CADPS2: variants seen among roughly 807,000 people sequenced by gnomAD.
CADPS2 encodes calcium dependent secretion activator 2.
CADPS2 carries 93 observed loss-of-function variants against 172.5 expected under a neutral mutation model. That is an observed-to-expected ratio of 0.54 (90% confidence interval 0.46 to 0.64). The LOEUF is 0.64. Among genes scored for constraint, CADPS2 ranks in the 30% least tolerant of loss-of-function variants. The pLI, the probability that CADPS2 is intolerant of heterozygous loss-of-function variation, is 0.00. For missense variants in CADPS2, 1,420 were observed against 1,565.9 expected (o/e 0.91, Z 1.57); for synonymous variants, 546 against 555.2 (o/e 0.98, Z 0.23).
Position 122,706,064 on chromosome 7 carries a change from AATATATATATGTTTATATATTCAAGGAAT to A in CADPS2, c.453+30862_453+30890del, listed in dbSNP as rs1564126894. 1.1e-4 allele frequency among the ~76,000 whole-genome samples: 10 copies of A among 95,016 alleles called. 1 individual carries two copies. The South Asian group carries it at 1.8e-3, about 17-fold the overall frequency. 62.3% of individuals were successfully genotyped at this position (95,016 alleles called of 152,430 possible). On this transcript the variant is annotated intron_variant, in intron 2 of 29. Coordinates refer to ENST00000449022, the MANE Select transcript of CADPS2 (RefSeq NM_017954.11). ...TATTCAAGGATTTATATATTCAAGG[AATATATATATGTTTATATATTCAAGGAAT>A]ATATATATATGCTTATATATTCAAG...
intron 7 of CADPS2, among the ~76,000 whole-genome samples, chr7:122,567,136 A>G (rs2066574974): frequency 6.6e-6 from 1 of 152,280 alleles, no homozygotes; most frequent in Admixed American, 6.6e-5. Flanking sequence ...AATAACAGTT[A>G]GTTTTGTTTC....
At chr7:122,707,072 C>T (rs2087688615) in intron 2 of CADPS2, among the ~76,000 whole-genome samples, 1 of 151,618 alleles carries the variant, frequency 6.6e-6, no homozygotes, top group Non-Finnish European at 1.5e-5. Flanking sequence ...AAGACATGAA[C>T]CAGAAGGTAA....
chr7:122,446,377 T>C (rs183387774), intron 15 of CADPS2, among the ~76,000 whole-genome samples: 1 of 152,322 alleles, frequency 6.6e-6, no homozygotes, highest in South Asian at 2.1e-4. Context: ...TTAAATTACC[T>C]GGAAACAGTT....
At chr7:122,750,614 C>G (rs113647822) in intron 1 of CADPS2, among the ~76,000 whole-genome samples, 1 of 152,132 alleles carries the variant, frequency 6.6e-6, no homozygotes, top group Non-Finnish European at 1.5e-5. Flanking sequence ...CACAGCAGAA[C>G]TTGACATCCT....
At chr7:122,452,401 T>C (rs915668739) in intron 14 of CADPS2, among the ~76,000 whole-genome samples, 19 of 152,216 alleles carry the variant, frequency 1.2e-4, no homozygotes, top group Non-Finnish European at 2.5e-4. Context: ...AGTTTATTTG[T>C]TCATTTAGTT....
chr7:122,547,141 A>C (rs740813), intron 8 of CADPS2, among the ~76,000 whole-genome samples: 2 of 151,692 alleles, frequency 1.3e-5, no homozygotes, highest in Admixed American at 1.3e-4. Context: ...AAATTAAAAC[A>C]TATTAACCCT....
At chr7:122,640,707 G>A (rs571967584) in intron 3 of CADPS2, among the ~76,000 whole-genome samples, 11 of 152,058 alleles carry the variant, frequency 7.2e-5, no homozygotes, top group Non-Finnish European at 8.8e-5. Context: ...CGAGGCAGGC[G>A]GATCACAAGG....
chr7:122,491,406 G>A lies in CADPS2; in HGVS notation c.1557C>T (p.Thr519=), dbSNP rs1268048084. 1 of 1,604,512 alleles carries A rather than the reference G, an allele frequency of 6.2e-7. No homozygotes were observed. The highest frequency in any genetic ancestry group is 8.5e-7 in the Non-Finnish European group (1 of 1,174,804). The change falls in exon 10 of 30, where the codon ACC becomes ACT. Residue 519 remains threonine (T), a synonymous_variant. Transcript: ENST00000449022. The stretch of plus-strand genomic sequence containing the variant: ...TTTCTCTATAACTGCACATAGCAAA[G>A]GTATATTGGCTAACCTGCTCGAGAA... ...YFVLVQVSQY[T]FAMCSYREKK...
rs756878434 is a variant in CADPS2 at position 122,460,157 on chromosome 7, C to G, written c.2187-8682G>C. Among the ~76,000 whole-genome samples the G allele has an allele frequency of 2.0e-5, 3 of 151,848 alleles. 1 individual carries two copies. Among genetic ancestry groups the G allele is most frequent in the South Asian group, 4.2e-4 (2 of 4,804 alleles). On this transcript the variant is annotated intron_variant, in intron 14 of 29. Transcript: ENST00000449022. Reference sequence around the variant, plus strand: ...CAGTATGGTGGACTAACTTGATACTCCCCAAATCCTTATTCACTACAAAAC... The same window carrying G: ...CAGTATGGTGGACTAACTTGATACTGCCCAAATCCTTATTCACTACAAAAC...
intron 18 of CADPS2, among the ~76,000 whole-genome samples, chr7:122,414,339 T>C (rs1366007505): frequency 6.6e-6 from 1 of 152,200 alleles, no homozygotes; most frequent in Non-Finnish European, 1.5e-5. Context: ...TAACATTTAA[T>C]TTTTAGTTTT....
chr7:122,485,421 G>A (rs1316322909), intron 11 of CADPS2, among the ~76,000 whole-genome samples: 3 of 152,146 alleles, frequency 2.0e-5, no homozygotes, highest in Non-Finnish European at 4.4e-5. Flanking sequence ...TATGAAGAAA[G>A]TTTGAATGGT....
At chr7:122,819,376 G>C (rs1047642755) in intron 1 of CADPS2, among the ~76,000 whole-genome samples, 2 of 152,100 alleles carry the variant, frequency 1.3e-5, no homozygotes, top group Admixed American at 6.6e-5. Context: ...AGATCTTCTC[G>C]GCTTAGCGGC....
intron 7 of CADPS2, among the ~76,000 whole-genome samples, chr7:122,561,072 A>G (rs918625986): frequency 6.6e-6 from 1 of 152,164 alleles, no homozygotes; most frequent in Admixed American, 6.5e-5. Context: ...TTGATTTAAT[A>G]TCATGGCTTC....
chr7:122,820,307 A>G (rs1396001537), intron 1 of CADPS2, among the ~76,000 whole-genome samples: 2 of 152,062 alleles, frequency 1.3e-5, no homozygotes, highest in Non-Finnish European at 2.9e-5. Context: ...GATAGCCCCC[A>G]TTACTTCAAT....
At chr7:122,472,390 A>G (rs1444135167) in intron 13 of CADPS2, among the ~76,000 whole-genome samples, 1 of 152,164 alleles carries the variant, frequency 6.6e-6, no homozygotes, top group Non-Finnish European at 1.5e-5. Flanking sequence ...AAGAACCATC[A>G]GGTGTGGTAT....
intron 1 of CADPS2, among the ~76,000 whole-genome samples, chr7:122,835,029 C>A (rs567583470): frequency 6.6e-6 from 1 of 152,136 alleles, no homozygotes; most frequent in Non-Finnish European, 1.5e-5. Context: ...TGGGGAGGCA[C>A]CCCCCAGGAG....
chr7:122,699,004 T>A, intron 2 of CADPS2: 1 of 968,398 alleles, frequency 1.0e-6, no homozygotes, highest in South Asian at 1.8e-5. Flanking sequence ...GAGAAAAAAA[T>A]CTTCAGGATA....
intron 6 of CADPS2, among the ~76,000 whole-genome samples, chr7:122,582,291 C>G (rs2068939028): frequency 6.6e-6 from 1 of 151,968 alleles, no homozygotes; most frequent in Admixed American, 6.6e-5. Context: ...ATACAGAAAA[C>G]TCAGTAAAGC....
chr7:122,507,580 G>A (rs1586720920), intron 9 of CADPS2, among the ~76,000 whole-genome samples: 1 of 152,070 alleles, frequency 6.6e-6, no homozygotes, highest in Non-Finnish European at 1.5e-5. Flanking sequence ...GAATATTTAG[G>A]ACCTCCTCTA....
Sources: allele counts gnomAD v4.1 joint callset (sites outside exome capture counted in the v4.1 genomes callset), GRCh38; gene constraint gnomAD v4.1.1; transcripts MANE v1.5; gene names NCBI Gene and HGNC (gene_info 2026-07-23, HGNC 2026-07-21).